The following TMEM38B variants were observed in gnomAD, a reference collection of about 807,000 sequenced individuals.
TMEM38B encodes transmembrane protein 38B, also known as trimeric intracellular cation channel type B.
In TMEM38B, 24 loss-of-function variants were observed where a neutral mutation model predicts 28.7. The observed-to-expected ratio is 0.84, with a 90% CI of 0.61 to 1.18. The LOEUF (loss-of-function observed/expected upper bound fraction) is 1.18. Among genes scored for constraint, TMEM38B ranks in the 50% most tolerant of loss-of-function variants. The pLI is 0.00. For missense variants in TMEM38B, 380 were observed against 350.9 expected (o/e 1.08, Z -0.66); for synonymous variants, 131 against 127.7 (o/e 1.03, Z -0.17).
intron 2 of TMEM38B, among the ~76,000 whole-genome samples, chr9:105,709,197 T>TA (rs983891214): frequency 6.6e-6 from 1 of 152,182 alleles, no homozygotes; most frequent in Non-Finnish European, 1.5e-5. Context: ...AATGCAAAGT[T>TA]AAATACTTAT....
chr9:105,758,051 C>A (rs561239623), intron 5 of TMEM38B: 44 of 286,412 alleles, frequency 1.5e-4, no homozygotes, highest in African/African-American at 8.3e-4. Context: ...TTAGCAGATG[C>A]TATTCAAATC....
intron 2 of TMEM38B, among the ~76,000 whole-genome samples, chr9:105,713,868 C>T (rs1168474978): frequency 6.8e-6 from 1 of 146,756 alleles, no homozygotes; most frequent in Non-Finnish European, 1.5e-5. Flanking sequence ...CAGGGCAGGG[C>T]AGAGTAGGAA....
At chr9:105,760,873 G>A (rs887202983) in intron 5 of TMEM38B, 7 of 567,960 alleles carry the variant, frequency 1.2e-5, no homozygotes, top group African/African-American at 1.1e-4. Context: ...AGCACATTAT[G>A]TAAGGAAGTA....
At chr9:105,759,272 T>G (rs1464907811) in intron 5 of TMEM38B, 4 of 734,194 alleles carry the variant, frequency 5.4e-6, no homozygotes, top group Non-Finnish European at 7.3e-6. Flanking sequence ...ATAGATCCAG[T>G]GGGATACATA....
chr9:105,773,788 T>A, intron 5 of TMEM38B, 77 bp from the exon 6 acceptor site: 3 of 1,422,332 alleles, frequency 2.1e-6, no homozygotes, highest in Non-Finnish European at 2.9e-6. Context: ...ATTTTGATTT[T>A]TTTTCCTTTT....
intron 2 of TMEM38B, among the ~76,000 whole-genome samples, chr9:105,719,114 C>G (rs1836223881): frequency 6.6e-6 from 1 of 152,188 alleles, no homozygotes; most frequent in South Asian, 2.1e-4. Context: ...GGAAGCTTCT[C>G]TCTGCCTAAC....
intron 5 of TMEM38B, chr9:105,758,467 A>C: frequency 7.4e-7 from 1 of 1,354,720 alleles, no homozygotes; most frequent in Non-Finnish European, 1.1e-6. Flanking sequence ...ACAGCAGGAG[A>C]AGCAGTGGAT....
At chr9:105,714,516 G>A (rs1038511058) in intron 2 of TMEM38B, among the ~76,000 whole-genome samples, 10 of 152,126 alleles carry the variant, frequency 6.6e-5, no homozygotes, top group African/African-American at 2.4e-4. Flanking sequence ...GTAATGCTTG[G>A]TTCTTTCCCT....
At chr9:105,694,964 G>A (rs1327109718) in intron 1 of TMEM38B, among the ~76,000 whole-genome samples, 192 bp downstream of exon 1, 1 of 152,232 alleles carries the variant, frequency 6.6e-6, no homozygotes, top group African/African-American at 2.4e-5. Context: ...AAACAGCGTG[G>A]GGGAGGACGG....
intron 4 of TMEM38B, among the ~76,000 whole-genome samples, chr9:105,733,459 G>A (rs976689133): frequency 5.0e-5 from 7 of 140,340 alleles, no homozygotes; most frequent in Admixed American, 1.5e-4. Context: ...TCTGTATTAG[G>A]CATGAGCTGA....
At chr9:105,760,481 G>A in intron 5 of TMEM38B, 12 of 746,012 alleles carry the variant, frequency 1.6e-5, no homozygotes, top group Non-Finnish European at 2.7e-5. Flanking sequence ...TATTCATACT[G>A]TAAGCAGATT....
chr9:105,748,089 C>A lies in TMEM38B; in HGVS notation c.559C>A (p.Leu187Met). The change falls in exon 5 of 6, where the codon CTG (leucine) becomes ATG (methionine). Residue 187 changes from leucine to methionine, a missense_variant. Physicochemically the swap from Leu to Met is conservative, Grantham distance 15. Transcript: ENST00000374692. ...TATTTTCAGCCCTGCCAAGGTAACC[C>A]TGCTGGGGTCAGTTATCTTCACATT... ...LKMSYPAKVTLLGSVIFTFQH... is the reference protein window; with the variant it reads ...LKMSYPAKVTMLGSVIFTFQH... 1 of 1,613,100 alleles carries A rather than the reference C, an allele frequency of 6.2e-7. No homozygotes were observed. The highest frequency in any genetic ancestry group is 8.5e-7 in the Non-Finnish European group (1 of 1,179,338).
At position 105,775,808 on chromosome 9, in the gene TMEM38B, T is replaced by C. The variant is rs1826707010; in HGVS notation, c.*1728T>C. ...GATAAATTTATTAAAATAAGTTATT[T>C]AGCACCAATGGAGTATTACATTATT... is the stretch of plus-strand genomic sequence containing the variant. On this transcript the variant is annotated 3_prime_UTR_variant, in exon 6 of 6. Coordinates refer to ENST00000374692, the MANE Select transcript of TMEM38B (RefSeq NM_018112.3). 1 of 152,168 alleles carries C rather than the reference T, an allele frequency of 6.6e-6. No homozygotes were observed. Among genetic ancestry groups the C allele is most frequent in the Non-Finnish European group, 1.5e-5 (1 of 68,022 alleles). The allele number at this position is 152,168 out of a possible 1,614,324, so 9.4% of individuals were successfully genotyped here.
intron 4 of TMEM38B, among the ~76,000 whole-genome samples, chr9:105,745,052 G>A (rs1433963945): frequency 1.3e-5 from 2 of 152,158 alleles, no homozygotes; most frequent in Non-Finnish European, 2.9e-5. Flanking sequence ...AAACATATGT[G>A]TGCATGTGTC....
intron 5 of TMEM38B, among the ~76,000 whole-genome samples, chr9:105,768,638 A>G (rs939832472): frequency 2.0e-5 from 3 of 152,104 alleles, no homozygotes; most frequent in Admixed American, 2.0e-4. Context: ...ACTAAGTTGT[A>G]TTTATTACGG....
chr9:105,722,659 ATCCTTAGATC>A, intron 4 of TMEM38B, 38 bp downstream of exon 4: 3 of 1,524,132 alleles, frequency 2.0e-6, no homozygotes, highest in Non-Finnish European at 2.7e-6. Flanking sequence ...CTAGATGTTT[ATCCTTAGATC>A]TTACCAAATT....
intron 4 of TMEM38B, 127 bp downstream of exon 4, chr9:105,722,748 T>A: frequency 1.5e-6 from 1 of 663,306 alleles, no homozygotes; most frequent in South Asian, 2.3e-5. Flanking sequence ...ATAGTAATGA[T>A]AATGGGAAGA....
At chr9:105,767,898 T>A (rs1266317637) in intron 5 of TMEM38B, among the ~76,000 whole-genome samples, 1 of 152,174 alleles carries the variant, frequency 6.6e-6, no homozygotes, top group Non-Finnish European at 1.5e-5. Context: ...TTTTACTTTT[T>A]CCTTTTCAAC....
intron 4 of TMEM38B, among the ~76,000 whole-genome samples, chr9:105,731,454 C>T (rs1401025576): frequency 6.6e-6 from 1 of 152,186 alleles, no homozygotes; most frequent in South Asian, 2.1e-4. Context: ...ATCCCTTCCC[C>T]CTCCCTCTCA....
Sources: allele counts gnomAD v4.1 joint callset (sites outside exome capture counted in the v4.1 genomes callset), GRCh38; gene constraint gnomAD v4.1.1; transcripts MANE v1.5; gene names NCBI Gene and HGNC (gene_info 2026-07-23, HGNC 2026-07-21).